Variants in APP observed in about 807,000 individuals in gnomAD.
APP encodes the protein amyloid beta precursor protein.
APP carries 31 observed loss-of-function variants against 101.4 expected under a neutral mutation model. That is an observed-to-expected ratio of 0.31 (90% CI 0.23 to 0.41). The LOEUF is 0.41. Among genes scored for constraint, APP ranks in the 10% least tolerant of loss-of-function variants. The probability of loss-of-function intolerance (pLI) is 1.00; values close to 1 mark genes in which losing one functional copy is unlikely to be tolerated. For missense variants in APP, 839 were observed against 1,003.7 expected, an observed-to-expected ratio of 0.84 and a Z score of 2.22; for synonymous variants, 366 against 364.4, an observed-to-expected ratio of 1.00 and a Z score of -0.05.
intron 1 of APP, among the ~76,000 whole-genome samples, chr21:26,115,134 C>T (rs181782764): frequency 3.3e-4 from 50 of 152,278 alleles, no homozygotes; most frequent in African/African-American, 1.2e-3. Context: ...TGATGATTAA[C>T]ATGCTCTATT....
At chr21:26,060,822 C>G (rs1340769419) in intron 3 of APP, among the ~76,000 whole-genome samples, 1 of 152,128 alleles carries the variant, frequency 6.6e-6, no homozygotes, top group Non-Finnish European at 1.5e-5. Flanking sequence ...GGTGAACTCA[C>G]AGAAGAACAA....
intron 3 of APP, among the ~76,000 whole-genome samples, chr21:26,078,263 G>C (rs1346373572): frequency 6.6e-6 from 1 of 151,956 alleles, no homozygotes; most frequent in Non-Finnish European, 1.5e-5. Flanking sequence ...GCTTTTATGG[G>C]TATTATCTGG....
chr21:26,033,525 C>A (rs546086014), intron 5 of APP, among the ~76,000 whole-genome samples: 2 of 152,288 alleles, frequency 1.3e-5, no homozygotes, highest in African/African-American at 4.8e-5. Flanking sequence ...ATTGCCAATT[C>A]TCAGTATGGT....
chr21:26,099,346 T>C (rs1037272404), intron 2 of APP, among the ~76,000 whole-genome samples: 1 of 152,138 alleles, frequency 6.6e-6, no homozygotes, highest in Non-Finnish European at 1.5e-5. Context: ...AAAGAACATA[T>C]CCAAGAAGAA....
chr21:26,133,670 G>A (rs2062839583), intron 1 of APP, among the ~76,000 whole-genome samples: 1 of 152,116 alleles, frequency 6.6e-6, no homozygotes. Flanking sequence ...TACTCGGGAG[G>A]CTGAGGCAGG....
chr21:26,108,785 G>A (rs184217145), intron 2 of APP, among the ~76,000 whole-genome samples: 2 of 152,230 alleles, frequency 1.3e-5, no homozygotes, highest in South Asian at 4.1e-4. Context: ...TCGGGAGGCT[G>A]AGGCAGGAGA....
intron 1 of APP, among the ~76,000 whole-genome samples, chr21:26,116,088 C>A (rs1220760506): frequency 6.6e-6 from 1 of 152,034 alleles, no homozygotes; most frequent in African/African-American, 2.4e-5. Context: ...CATCATAAAA[C>A]TGGAGATGCT....
intron 1 of APP, among the ~76,000 whole-genome samples, chr21:26,126,311 C>T (rs1197076767): frequency 2.0e-5 from 3 of 152,176 alleles, no homozygotes; most frequent in Non-Finnish European, 2.9e-5. Context: ...TAAAATGTTA[C>T]GTGCATGGCT....
chr21:25,883,467 G>A (rs1302601063), intron 17 of APP, among the ~76,000 whole-genome samples: 1 of 151,978 alleles, frequency 6.6e-6, no homozygotes, highest in Non-Finnish European at 1.5e-5. Context: ...CAAGGCGGGT[G>A]GATCACGAGG....
chr21:26,009,111 G>C (rs982501008), intron 6 of APP, among the ~76,000 whole-genome samples: 2 of 152,194 alleles, frequency 1.3e-5, no homozygotes, highest in Non-Finnish European at 2.9e-5. Context: ...AAATGCAATA[G>C]ATATGTCAAA....
At chr21:26,054,424 G>T (rs1030987028) in intron 3 of APP, among the ~76,000 whole-genome samples, 1 of 152,200 alleles carries the variant, frequency 6.6e-6, no homozygotes, top group East Asian at 1.9e-4. Context: ...CCTTCAAAAT[G>T]AGGGAGCCTC....
intron 1 of APP, among the ~76,000 whole-genome samples, chr21:26,132,215 C>G (rs376866634): frequency 6.6e-6 from 1 of 152,010 alleles, no homozygotes; most frequent in South Asian, 2.1e-4. Flanking sequence ...ATAGGGAGAC[C>G]CTATCTCTTT....
At chr21:26,103,495 G>A (rs1474637859) in intron 2 of APP, among the ~76,000 whole-genome samples, 1 of 152,152 alleles carries the variant, frequency 6.6e-6, no homozygotes, top group African/African-American at 2.4e-5. Flanking sequence ...CAGCTACTCA[G>A]GAGGCTGAGG....
chr21:26,141,611 T>C (rs766186895), intron 1 of APP, among the ~76,000 whole-genome samples: 4 of 152,170 alleles, frequency 2.6e-5, no homozygotes, highest in Admixed American at 6.5e-5. Context: ...ATCTGGCAAA[T>C]AGAAGACACT....
chr21:26,118,487 G>T (rs1165814740), intron 1 of APP, among the ~76,000 whole-genome samples: 1 of 152,124 alleles, frequency 6.6e-6, no homozygotes, highest in Non-Finnish European at 1.5e-5. Context: ...AGTATGTGAT[G>T]AAATGAGCGA....
At chr21:26,054,255 A>AGTAGTATGCCAC (rs75972318) in intron 3 of APP, among the ~76,000 whole-genome samples, 37,293 of 151,998 alleles carry the variant, frequency 0.25, 5,251 homozygotes, top group East Asian at 0.37. Context: ...AATGGTGAGA[A>AGTAGTATGCCAC]GTAGTATGCC....
intron 15 of APP, chr21:25,897,989 C>T (rs147859322): frequency 7.7e-6 from 3 of 387,262 alleles, no homozygotes; most frequent in South Asian, 2.7e-5. Context: ...AGGATTTGTT[C>T]CTGGAATATG....
chr21:25,925,186 TC>T (rs1569063026), intron 13 of APP, among the ~76,000 whole-genome samples: 1 of 124 alleles, frequency 8.1e-3, no homozygotes. Context: ...GTCACCCACT[TC>T]CAGCTAGGCA....
chr21:26,056,235 G>C, intron 3 of APP, among the ~76,000 whole-genome samples: 1 of 152,094 alleles, frequency 6.6e-6, no homozygotes, highest in Admixed American at 6.6e-5. Flanking sequence ...ACAGGGTCTA[G>C]ATATGTTGCC....
Sources: allele counts gnomAD v4.1 joint callset (sites outside exome capture counted in the v4.1 genomes callset), GRCh38; gene constraint gnomAD v4.1.1; transcripts MANE v1.5; gene names NCBI Gene and HGNC (gene_info 2026-07-23, HGNC 2026-07-21).